Variants in COPS7B observed in about 807,000 individuals in gnomAD.
COPS7B encodes COP9 signalosome complex subunit 7b.
A neutral mutation model predicts 33.4 loss-of-function variants in COPS7B; 9 were observed. That is an observed-to-expected ratio of 0.27 (90% CI 0.16 to 0.47). The LOEUF is 0.47. Ranked by LOEUF, COPS7B falls within the 20% of genes least tolerant of loss-of-function variation. The pLI, the probability that COPS7B is intolerant of heterozygous loss-of-function variation, is 0.99. For missense variants in COPS7B, 242 were observed against 318.2 expected, an observed-to-expected ratio of 0.76 and a Z score of 1.82; for synonymous variants, 119 against 126.3, an observed-to-expected ratio of 0.94 and a Z score of 0.39.
intron 6 of COPS7B, 88 bp from the exon 7 acceptor site, chr2:231,807,399 G>T: frequency 7.8e-7 from 1 of 1,274,296 alleles, no homozygotes; most frequent in Non-Finnish European, 1.1e-6. Context: ...GAGGATTTTA[G>T]CTTCCTGTCT....
intron 3 of COPS7B, 137 bp downstream of exon 3, chr2:231,791,945 G>T: frequency 1.3e-6 from 1 of 761,218 alleles, no homozygotes. Flanking sequence ...TGCTGTGCCC[G>T]GTGGGTGACC....
Position 231,796,291 on chromosome 2 carries a change from C to T in COPS7B, c.513C>T (p.Val171=). The part of the protein sequence containing the change: ...DIRKKDINNI[V]KTLHEWCDGC... ...GAAAGAAGGATATCAATAATATTGT[C>T]AAGACCCTGCATGAATGGTGAGGCT... Residue 171 remains valine (V), a synonymous_variant, in exon 5 of 7, where the codon GTC becomes GTT. Coordinates refer to ENST00000350033, the MANE Select transcript of COPS7B (RefSeq NM_022730.4). 6.2e-7 allele frequency: 1 copy of T among 1,613,956 alleles called. No homozygotes were observed. The highest frequency in any genetic ancestry group is 8.5e-7 in the Non-Finnish European group (1 of 1,179,962).
In COPS7B at chr2:231,807,905, C is replaced by CT; in HGVS notation, c.*261dup. 1 of 381,174 alleles carries CT rather than the reference C, an allele frequency of 2.6e-6. No individual in the cohort carries two copies. The highest frequency in any genetic ancestry group is 4.7e-6 in the Non-Finnish European group (1 of 211,316). 23.6% of individuals were successfully genotyped at this position (381,174 alleles called of 1,614,324 possible). ...CAGGGTCAGACACTGCCCAGCTTCC[C>CT]TCCAGGAGGTTCTTGTCTCTGTGTA... On this transcript the variant is annotated 3_prime_UTR_variant, in exon 7 of 7. Coordinates refer to ENST00000350033, the MANE Select transcript of COPS7B (RefSeq NM_022730.4).
intron 3 of COPS7B, 155 bp downstream of exon 3, chr2:231,791,963 G>A: frequency 1.4e-6 from 1 of 718,264 alleles, no homozygotes. Context: ...ACCTCACAAA[G>A]GGAATGTTCC....
chr2:231,797,220 A>G (rs1244179378), intron 5 of COPS7B, among the ~76,000 whole-genome samples: 1 of 151,932 alleles, frequency 6.6e-6, no homozygotes, highest in Non-Finnish European at 1.5e-5. Flanking sequence ...TCCAGAGAGG[A>G]GCAGTGCCAC....
intron 2 of COPS7B, chr2:231,791,035 G>C (rs1244971722): frequency 6.5e-6 from 1 of 154,612 alleles, no homozygotes; most frequent in Non-Finnish European, 1.5e-5. Flanking sequence ...ACCGCGCCCG[G>C]CCCACGTTTG....
intron 3 of COPS7B, 60 bp from the exon 4 acceptor site, chr2:231,794,203 A>C (rs1269618328): frequency 1.4e-6 from 2 of 1,451,378 alleles, no homozygotes; most frequent in African/African-American, 1.4e-5. Flanking sequence ...AGCTTATTCC[A>C]TAAAAGAAAT....
chr2:231,799,009 G>A (rs2106333760), intron 6 of COPS7B, 45 bp downstream of exon 6: 1 of 1,518,998 alleles, frequency 6.6e-7, no homozygotes. Flanking sequence ...AGGCATACCT[G>A]TTTATTCGTT....
At chr2:231,799,882 T>C (rs1367181277) in intron 6 of COPS7B, among the ~76,000 whole-genome samples, 1 of 152,212 alleles carries the variant, frequency 6.6e-6, no homozygotes, top group Non-Finnish European at 1.5e-5. Flanking sequence ...TTCTCTATAC[T>C]GTTATATGCA....
In COPS7B at chr2:231,804,599, CTAA is replaced by C. The variant is rs138288102; in HGVS notation, c.637-2887_637-2885del. ...ACACAAATAACTTGAGGAAATAAGG[CTAA>C]ATAGTGCTTATCAGACAAGATGAAA... On this transcript the variant is annotated intron_variant, in intron 6 of 6. Coordinates refer to ENST00000350033, the MANE Select transcript of COPS7B (RefSeq NM_022730.4). Among the ~76,000 whole-genome samples, 809 of 152,108 alleles carry C rather than the reference CTAA, an allele frequency of 5.3e-3. 5 individuals are homozygous for C. The highest frequency in any genetic ancestry group is 0.018 in the African/African-American group (758 of 41,480).
At chr2:231,798,249 A>T (rs971124779) in intron 5 of COPS7B, among the ~76,000 whole-genome samples, 49 of 118,588 alleles carry the variant, frequency 4.1e-4, no homozygotes, top group Non-Finnish European at 1.5e-4. Flanking sequence ...AATCTATTCT[A>T]CCTTCTTTTT....
At chr2:231,798,822 C>A (rs374155774) in intron 5 of COPS7B, 37 bp from the exon 6 acceptor site, 1 of 1,559,178 alleles carries the variant, frequency 6.4e-7, no homozygotes, top group South Asian at 1.1e-5. Context: ...ACTTCCCAGG[C>A]CATTCTGCAG....
At chr2:231,795,398 TC>T (rs2049539127) in intron 4 of COPS7B, among the ~76,000 whole-genome samples, 2 of 152,308 alleles carry the variant, frequency 1.3e-5, no homozygotes. Context: ...GTTGCTGAAA[TC>T]ATTTTATCTG....
intron 5 of COPS7B, among the ~76,000 whole-genome samples, chr2:231,797,329 C>T (rs1187771576): frequency 2.0e-5 from 3 of 152,200 alleles, no homozygotes; most frequent in African/African-American, 7.2e-5. Context: ...CAAGTTCTGT[C>T]CCAAATATAG....
chr2:231,808,799 GTGTGT>G lies in COPS7B; in HGVS notation c.*1155_*1159del, dbSNP rs2049971190. Reference sequence around the variant, plus strand: ...GGTTGGAGGGTGGGGGTGGGGTGGGGTGTGTGTGTGTGTGTGTGTGTGTGTGTGTG... The same window carrying G: ...GGTTGGAGGGTGGGGGTGGGGTGGGGGTGTGTGTGTGTGTGTGTGTGTGTG... On this transcript the variant is annotated 3_prime_UTR_variant, in exon 7 of 7. Transcript: ENST00000350033. 1 of 77,264 alleles carries G rather than the reference GTGTGT, an allele frequency of 1.3e-5. No homozygotes were observed. The allele number at this position is 77,264 out of a possible 1,614,324, so 4.8% of individuals were successfully genotyped here.
chr2:231,794,191 T>G, intron 3 of COPS7B, 72 bp from the exon 4 acceptor site: 16 of 1,267,726 alleles, frequency 1.3e-5, no homozygotes, highest in East Asian at 2.4e-5. Context: ...GGGGAGTTGG[T>G]GAGCTTATTC....
At chr2:231,787,257 G>A (rs1313030645) in intron 1 of COPS7B, among the ~76,000 whole-genome samples, 1 of 152,158 alleles carries the variant, frequency 6.6e-6, no homozygotes, top group Admixed American at 6.5e-5. Flanking sequence ...CCCTAAGTGA[G>A]GCGACATACT....
At chr2:231,806,553 CAAAA>C (rs199988222) in intron 6 of COPS7B, among the ~76,000 whole-genome samples, 1 of 89,724 alleles carries the variant, frequency 1.1e-5, no homozygotes, top group African/African-American at 3.9e-5. Flanking sequence ...ACTCTGTCTC[CAAAA>C]AAAAAAAAAA....
chr2:231,785,444 CCT>C (rs2049217794), upstream of COPS7B, among the ~76,000 whole-genome samples: 1 of 152,136 alleles, frequency 6.6e-6, no homozygotes, highest in African/African-American at 2.4e-5. Context: ...CCTTTTTTCC[CCT>C]TTTTGTCTGT....
Sources: gnomAD v4.1 joint callset for allele counts (sites outside exome capture counted in the v4.1 genomes callset) on GRCh38, gnomAD v4.1.1 for gene constraint, MANE v1.5 for transcripts, NCBI Gene and HGNC (gene_info 2026-07-23, HGNC 2026-07-21) for gene names.